The following ABLIM1 variants were observed in gnomAD, a reference collection of about 807,000 sequenced individuals.
ABLIM1 encodes actin-binding LIM protein 1.
In ABLIM1, 40 loss-of-function variants were observed where a neutral mutation model predicts 107.0. The ratio of observed to expected loss-of-function variants is 0.37; its 90% CI spans 0.29 to 0.49. The LOEUF is 0.49. ABLIM1 is among the 20% of genes least tolerant of loss of function. The probability of loss-of-function intolerance (pLI) is 0.97; values close to 1 mark genes in which losing one functional copy is unlikely to be tolerated. For missense variants in ABLIM1, 857 were observed against 1,008.5 expected (o/e 0.85, Z 2.04); for synonymous variants, 357 against 357.3 (o/e 1.00, Z 0.01).
At chr10:114,624,243 AC>A (rs1429398548) in intron 1 of ABLIM1, among the ~76,000 whole-genome samples, 4 of 152,174 alleles carry the variant, frequency 2.6e-5, no homozygotes, top group Non-Finnish European at 5.9e-5. Context: ...TCAGGAAAAC[AC>A]TCAGCACTTT....
At position 114,443,799 on chromosome 10, in the gene ABLIM1, T is replaced by G. The variant is rs563694849; in HGVS notation, c.1933+230A>C. 3.9e-5 allele frequency among the ~76,000 whole-genome samples: 6 copies of G among 152,142 alleles called. No homozygotes were observed. In the South Asian group the frequency reaches 1.2e-3, roughly 32 times the overall value. On this transcript the variant is annotated intron_variant, in intron 17 of 22. Transcript: ENST00000533213. ...CCTAGTATATGGGGATTGGCCTTCA[T>G]GGATTTTGAGAACCTCCAAGGGTTC... is the stretch of plus-strand genomic sequence containing the variant.
the ABLIM1 span, among the ~76,000 whole-genome samples, chr10:114,776,335 C>T: frequency 6.6e-6 from 1 of 152,044 alleles, no homozygotes; most frequent in Admixed American, 6.6e-5. Context: ...TAGTTTTGGG[C>T]CGGGCGTGGT....
intron 4 of ABLIM1, among the ~76,000 whole-genome samples, chr10:114,555,745 A>C (rs2068648869): frequency 6.6e-6 from 1 of 152,188 alleles, no homozygotes; most frequent in African/African-American, 2.4e-5. Flanking sequence ...TTACTATAAA[A>C]ATTTTTAAAT....
intron 6 of ABLIM1, among the ~76,000 whole-genome samples, chr10:114,495,316 T>C (rs2135312052): frequency 6.6e-6 from 1 of 152,292 alleles, no homozygotes; most frequent in Non-Finnish European, 1.5e-5. Context: ...CAGCCCGTAC[T>C]GGAAATGGGA....
At chr10:114,693,667 G>C (rs909306282) in intron 1 of ABLIM1, among the ~76,000 whole-genome samples, 3 of 149,468 alleles carry the variant, frequency 2.0e-5, no homozygotes, top group Non-Finnish European at 4.4e-5. Flanking sequence ...TTTTCTTTCA[G>C]AAACAGGGTC....
At chr10:114,464,082 G>A (rs2133497061) in intron 12 of ABLIM1, among the ~76,000 whole-genome samples, 1 of 152,140 alleles carries the variant, frequency 6.6e-6, no homozygotes, top group Non-Finnish European at 1.5e-5. Context: ...AGGGGTCTTT[G>A]GAACAACAAT....
At chr10:114,470,223 G>A (rs954847519) in intron 10 of ABLIM1, among the ~76,000 whole-genome samples, 6 of 152,104 alleles carry the variant, frequency 3.9e-5, no homozygotes, top group Non-Finnish European at 7.4e-5. Context: ...AGGAGTTCAC[G>A]ACCAGCCTGG....
At chr10:114,783,424 C>T in the ABLIM1 span, among the ~76,000 whole-genome samples, 1 of 151,990 alleles carries the variant, frequency 6.6e-6, no homozygotes, top group East Asian at 1.9e-4. Flanking sequence ...TGAGTTGTTC[C>T]GTGTTTGAGT....
intron 1 of ABLIM1, among the ~76,000 whole-genome samples, chr10:114,756,146 A>T (rs532609427): frequency 6.6e-6 from 1 of 152,138 alleles, no homozygotes; most frequent in East Asian, 1.9e-4. Flanking sequence ...TATCTTTTCT[A>T]AATAGTTAGC....
rs1455098507 is a variant in ABLIM1, at chr10:114,433,453, A to G, written c.*2807T>C. The stretch of plus-strand genomic sequence containing the variant: ...GGCCCACTCTGCATTATGGTTTCCA[A>G]TGACCCCTCCCCAGAGCAGAGCACT... On this transcript the variant is annotated 3_prime_UTR_variant, in exon 23 of 23. Coordinates refer to ENST00000533213, the MANE Select transcript of ABLIM1 (RefSeq NM_002313.7). The G allele has an allele frequency of 6.6e-6, 1 of 152,234 alleles. No homozygotes were observed. Among genetic ancestry groups the G allele is most frequent in the Non-Finnish European group, 1.5e-5 (1 of 68,048 alleles). The allele number at this position is 152,234 out of a possible 1,614,324, so 9.4% of individuals were successfully genotyped here. A position where few individuals can be genotyped will look rare whatever the true frequency, so the allele number is the denominator to read the frequency against.
At chr10:114,799,527 A>G in the ABLIM1 span, among the ~76,000 whole-genome samples, 1 of 152,038 alleles carries the variant, frequency 6.6e-6, no homozygotes, top group Non-Finnish European at 1.5e-5. Flanking sequence ...TCCACCATTC[A>G]CAGTTGTTCA....
At chr10:114,572,127 G>T (rs2071768174) in intron 3 of ABLIM1, among the ~76,000 whole-genome samples, 1 of 152,204 alleles carries the variant, frequency 6.6e-6, no homozygotes, top group Non-Finnish European at 1.5e-5. Flanking sequence ...CAGGCAGAGA[G>T]CCCTTTAAAC....
At chr10:114,538,552 C>T (rs979625018) in intron 6 of ABLIM1, among the ~76,000 whole-genome samples, 7 of 152,274 alleles carry the variant, frequency 4.6e-5, no homozygotes, top group Admixed American at 1.3e-4. Flanking sequence ...GTAAATACCA[C>T]GAGACACAAG....
intron 14 of ABLIM1, among the ~76,000 whole-genome samples, chr10:114,449,162 C>T (rs184449901): frequency 1.3e-5 from 2 of 152,324 alleles, no homozygotes; most frequent in East Asian, 1.9e-4. Context: ...GGAGGAGTCA[C>T]AGCTTAGAGC....
intron 6 of ABLIM1, among the ~76,000 whole-genome samples, chr10:114,534,499 G>A (rs2065781764): frequency 6.6e-6 from 1 of 151,598 alleles, no homozygotes; most frequent in Non-Finnish European, 1.5e-5. Context: ...TCCCTGAGGC[G>A]GGGTGGGGGT....
At position 114,436,079 on chromosome 10, in the gene ABLIM1, A is replaced by G; in HGVS notation, c.*181T>C. The G allele has an allele frequency of 1.7e-6, 1 of 581,766 alleles. No individual in the cohort carries two copies. Among genetic ancestry groups the G allele is most frequent in the East Asian group, 2.8e-5 (1 of 35,708 alleles). The allele number at this position is 581,766 out of a possible 1,614,324, so 36.0% of individuals were successfully genotyped here. ...AAATTTCTACGCCATGCTTCTTGGCAAGTGTTACTGTTGGCTGGCCCGACA... is the reference window on the plus strand; with the variant it reads ...AAATTTCTACGCCATGCTTCTTGGCGAGTGTTACTGTTGGCTGGCCCGACA... On this transcript the variant is annotated 3_prime_UTR_variant, in exon 23 of 23. Transcript: ENST00000533213.
chr10:114,686,379 G>T (rs114065225), upstream of ABLIM1, among the ~76,000 whole-genome samples: 193 of 151,968 alleles, frequency 1.3e-3, no homozygotes, highest in African/African-American at 4.6e-3. Context: ...CAGGCATGGC[G>T]GCCTGCACCT....
At chr10:114,556,850 T>C (rs1591176061) in intron 4 of ABLIM1, among the ~76,000 whole-genome samples, 1 of 152,200 alleles carries the variant, frequency 6.6e-6, no homozygotes, top group African/African-American at 2.4e-5. Flanking sequence ...CACAATTTTC[T>C]TTTTTAGCAT....
intron 1 of ABLIM1, among the ~76,000 whole-genome samples, chr10:114,752,932 G>A (rs1047132513): frequency 1.3e-5 from 2 of 152,138 alleles, no homozygotes; most frequent in African/African-American, 4.8e-5. Context: ...TTTTAACTGA[G>A]GGTAACAAGT....
Sources: allele counts gnomAD v4.1 joint callset (sites outside exome capture counted in the v4.1 genomes callset), GRCh38; gene constraint gnomAD v4.1.1; transcripts MANE v1.5; gene names NCBI Gene and HGNC (gene_info 2026-07-23, HGNC 2026-07-21).